Variants in STK32B observed in about 807,000 individuals in gnomAD.
STK32B encodes serine/threonine-protein kinase 32B.
Under a neutral mutation model 52.6 loss-of-function variants are expected in STK32B, and 43 were observed. The ratio of observed to expected loss-of-function variants is 0.82; its 90% CI spans 0.64 to 1.05. The LOEUF (loss-of-function observed/expected upper bound fraction) is 1.05, where lower values mean the gene tolerates loss of function less well. Ranked by LOEUF, STK32B falls within the 50% of genes least tolerant of loss-of-function variation. The probability of loss-of-function intolerance (pLI) is 0.00; values close to 1 mark genes in which losing one functional copy is unlikely to be tolerated. For missense variants in STK32B, 621 were observed against 534.6 expected (o/e 1.16, Z -1.59); for synonymous variants, 238 against 204.3 (o/e 1.17, Z -1.41).
In STK32B at chr4:5,379,876, GTTC is replaced by G. The variant is rs1379971270; in HGVS notation, c.435-18326_435-18324del. ...TGGTGTTTTGATATAGCAGCATTCT[GTTC>G]TTCTCCTGCTGCACTTGATAAAACT... On this transcript the variant is annotated intron_variant, in intron 4 of 11. Coordinates refer to ENST00000282908, the MANE Select transcript of STK32B (RefSeq NM_018401.3). Among the ~76,000 whole-genome samples the G allele has an allele frequency of 9.9e-5, 15 of 152,276 alleles. No individual in the cohort carries two copies. The South Asian group carries it at 3.1e-3, about 32-fold the overall frequency.
chr4:5,317,878 A>C (rs1383047292), intron 3 of STK32B, among the ~76,000 whole-genome samples: 2 of 152,076 alleles, frequency 1.3e-5, no homozygotes, highest in African/African-American at 4.8e-5. Context: ...CACTTCTCAA[A>C]GTGCTGTCCC....
At chr4:5,188,978 G>A (rs745683412) in intron 3 of STK32B, among the ~76,000 whole-genome samples, 10 of 151,006 alleles carry the variant, frequency 6.6e-5, no homozygotes, top group Admixed American at 2.6e-4. Flanking sequence ...AAACCTGCAC[G>A]TTGTGCACGT....
intron 1 of STK32B, among the ~76,000 whole-genome samples, chr4:5,097,050 C>A (rs1033614234): frequency 1.3e-5 from 2 of 152,204 alleles, no homozygotes; most frequent in African/African-American, 4.8e-5. Context: ...GTAGGATTTG[C>A]ACCCCAATTG....
At chr4:5,110,167 A>G (rs1213342126) in intron 1 of STK32B, among the ~76,000 whole-genome samples, 1 of 151,670 alleles carries the variant, frequency 6.6e-6, no homozygotes, top group Non-Finnish European at 1.5e-5. Context: ...CATTAAAATG[A>G]CCATATAGCT....
At chr4:5,495,270 C>A (rs541323540) in intron 11 of STK32B, among the ~76,000 whole-genome samples, 2 of 152,070 alleles carry the variant, frequency 1.3e-5, no homozygotes, top group Non-Finnish European at 2.9e-5. Context: ...AGGCTTTGTT[C>A]GTTTCTTTTT....
At chr4:5,057,932 C>G (rs1577619247) in intron 1 of STK32B, among the ~76,000 whole-genome samples, 1 of 152,070 alleles carries the variant, frequency 6.6e-6, no homozygotes, top group African/African-American at 2.4e-5. Context: ...AGGAGAATTT[C>G]TAGTTCAGAA....
intron 9 of STK32B, 71 bp from the exon 10 acceptor site, chr4:5,466,632 A>T: frequency 6.5e-7 from 1 of 1,526,792 alleles, no homozygotes. Flanking sequence ...GAATGGTTGA[A>T]TTAATGAAAA....
rs576741081 is a variant in STK32B, at chr4:5,371,194, A to G, written c.435-27013A>G. ...AGCAAAGACAGCTGGGATTACAGCC[A>G]ATGAGCAGAAGGAGGGATCAGTAGA... On this transcript the variant is annotated intron_variant, in intron 4 of 11. Coordinates refer to ENST00000282908, the MANE Select transcript of STK32B (RefSeq NM_018401.3). Among the ~76,000 whole-genome samples the G allele has an allele frequency of 5.9e-5, 9 of 152,202 alleles. No homozygotes were observed. In the South Asian group the frequency reaches 6.2e-4, roughly 11 times the overall value.
chr4:5,371,388 A>C (rs1353677208), intron 4 of STK32B, among the ~76,000 whole-genome samples: 1 of 152,316 alleles, frequency 6.6e-6, no homozygotes, highest in African/African-American at 2.4e-5. Context: ...TTCTTGCTAA[A>C]GTGACTTAGC....
chr4:5,436,903 C>T (rs970723673), intron 6 of STK32B, among the ~76,000 whole-genome samples: 2 of 152,174 alleles, frequency 1.3e-5, no homozygotes, highest in African/African-American at 4.8e-5. Context: ...GTTGACATCT[C>T]GAGATGCTGT....
chr4:5,173,042 G>T (rs938466087), intron 3 of STK32B, among the ~76,000 whole-genome samples: 1 of 152,210 alleles, frequency 6.6e-6, no homozygotes, highest in Non-Finnish European at 1.5e-5. Flanking sequence ...TCTTGGGAGA[G>T]TGTATGTGTC....
At chr4:5,354,467 T>C (rs1010908176) in intron 4 of STK32B, among the ~76,000 whole-genome samples, 7 of 152,222 alleles carry the variant, frequency 4.6e-5, no homozygotes, top group African/African-American at 1.7e-4. Flanking sequence ...GGTTTTGCCA[T>C]GTTGGCCAGG....
chr4:5,099,113 T>C (rs995156958), intron 1 of STK32B, among the ~76,000 whole-genome samples: 1 of 152,110 alleles, frequency 6.6e-6, no homozygotes, highest in African/African-American at 2.4e-5. Flanking sequence ...TTTCTAGAGG[T>C]GCCCACATTC....
chr4:5,281,341 G>T (rs544643479), intron 3 of STK32B, among the ~76,000 whole-genome samples: 1 of 152,232 alleles, frequency 6.6e-6, no homozygotes, highest in South Asian at 2.1e-4. Flanking sequence ...TAACACAGGA[G>T]CAGAAAACTG....
intron 6 of STK32B, among the ~76,000 whole-genome samples, chr4:5,426,394 A>G (rs1241869594): frequency 1.3e-5 from 2 of 152,036 alleles, no homozygotes; most frequent in Non-Finnish European, 2.9e-5. Flanking sequence ...TGTTCAAATC[A>G]TTTGCCTGTT....
chr4:5,215,319 T>C (rs1280584379), intron 3 of STK32B, among the ~76,000 whole-genome samples: 1 of 152,204 alleles, frequency 6.6e-6, no homozygotes, highest in Non-Finnish European at 1.5e-5. Context: ...GTTGGGAGTT[T>C]AAAGATCTTT....
chr4:5,185,880 C>T (rs1034036873), intron 3 of STK32B, among the ~76,000 whole-genome samples: 4 of 152,154 alleles, frequency 2.6e-5, no homozygotes, highest in Admixed American at 2.6e-4. Flanking sequence ...TGACACCCAC[C>T]CCTACTACCA....
At chr4:5,167,719 C>T (rs904382297) in intron 2 of STK32B, among the ~76,000 whole-genome samples, 6 of 152,220 alleles carry the variant, frequency 3.9e-5, no homozygotes, top group South Asian at 2.1e-4. Flanking sequence ...CTGATACTCC[C>T]GTTTCTAACA....
At chr4:5,490,043 C>G (rs1037919709) in intron 11 of STK32B, among the ~76,000 whole-genome samples, 1 of 151,404 alleles carries the variant, frequency 6.6e-6, no homozygotes, top group African/African-American at 2.4e-5. Context: ...ATGGTTGGAC[C>G]CAAATTATTT....
Sources: gnomAD v4.1 joint callset for allele counts (sites outside exome capture counted in the v4.1 genomes callset) on GRCh38, gnomAD v4.1.1 for gene constraint, MANE v1.5 for transcripts, NCBI Gene and HGNC (gene_info 2026-07-23, HGNC 2026-07-21) for gene names.